The following DLEU7 variants were observed in gnomAD, a reference collection of about 807,000 sequenced individuals.
DLEU7 encodes deleted in lymphocytic leukemia 7, also known as leukemia-associated protein 7.
Under a neutral mutation model 16.0 loss-of-function variants are expected in DLEU7, and 17 were observed. The ratio of observed to expected loss-of-function variants is 1.06; its 90% CI spans 0.73 to 1.59. The LOEUF (loss-of-function observed/expected upper bound fraction) is 1.59. Ranked by LOEUF, DLEU7 falls within the 40% of genes most tolerant of loss-of-function variation. The pLI is 0.00. For missense variants in DLEU7, 308 were observed against 314.9 expected (o/e 0.98, Z 0.17); for synonymous variants, 113 against 139.8 (o/e 0.81, Z 1.35).
chr13:50,812,486 A>T (rs1359523785), intron 1 of DLEU7, among the ~76,000 whole-genome samples: 2 of 152,146 alleles, frequency 1.3e-5, no homozygotes, highest in Non-Finnish European at 2.9e-5. Context: ...GTCTGTATGT[A>T]GGGTAAAGGC....
chr13:50,803,870 A>C (rs375931156), intron 1 of DLEU7, among the ~76,000 whole-genome samples: 2 of 152,086 alleles, frequency 1.3e-5, no homozygotes, highest in South Asian at 2.1e-4. Context: ...CAGATTCATC[A>C]GTTTTTTGTT....
At chr13:50,713,069 A>G (rs1873341876) in exon 2 of DLEU7, 1 of 807,128 alleles carries the variant, frequency 1.2e-6, no homozygotes, top group Admixed American at 2.4e-5. Flanking sequence ...ATGCAATTGG[A>G]GACCAATACG....
At chr13:50,825,377 T>TATGTGTCACCTTAATACTC (rs1270595228) in intron 1 of DLEU7, among the ~76,000 whole-genome samples, 2 of 152,212 alleles carry the variant, frequency 1.3e-5, no homozygotes, top group Non-Finnish European at 2.9e-5. Context: ...TTCTAATACT[T>TATGTGTCACCTTAATACTC]ATGTGTCACC....
chr13:50,728,847 C>G (rs1873836850), intron 1 of DLEU7, among the ~76,000 whole-genome samples: 1 of 152,090 alleles, frequency 6.6e-6, no homozygotes, highest in Admixed American at 6.6e-5. Flanking sequence ...ATCATGTCAC[C>G]TGTTCATATG....
At chr13:50,732,824 G>A (rs1408402197) in intron 1 of DLEU7, among the ~76,000 whole-genome samples, 1 of 152,054 alleles carries the variant, frequency 6.6e-6, no homozygotes, top group Non-Finnish European at 1.5e-5. Flanking sequence ...GCCAAACACT[G>A]TTGAAACACA....
At chr13:50,769,279 C>T (rs905391106) in intron 1 of DLEU7, among the ~76,000 whole-genome samples, 2 of 152,276 alleles carry the variant, frequency 1.3e-5, no homozygotes, top group East Asian at 1.9e-4. Context: ...TGTGCAGAAG[C>T]TCTTTAGTTT....
chr13:50,753,184 C>G (rs889736496), intron 1 of DLEU7, among the ~76,000 whole-genome samples: 3 of 152,196 alleles, frequency 2.0e-5, no homozygotes, highest in Non-Finnish European at 4.4e-5. Context: ...ATTTACAATC[C>G]CTTAGCTAGA....
intron 1 of DLEU7, among the ~76,000 whole-genome samples, chr13:50,769,211 C>T (rs915498807): frequency 6.6e-6 from 1 of 152,130 alleles, no homozygotes; most frequent in African/African-American, 2.4e-5. Context: ...GGGTAGATTG[C>T]AAAAATTTTC....
At chr13:50,805,590 C>A (rs952913874) in intron 1 of DLEU7, among the ~76,000 whole-genome samples, 5 of 151,928 alleles carry the variant, frequency 3.3e-5, no homozygotes, top group Non-Finnish European at 7.4e-5. Flanking sequence ...TTTTAAATAT[C>A]TTTTTTATTT....
intron 1 of DLEU7, among the ~76,000 whole-genome samples, chr13:50,783,897 T>A (rs1875727440): frequency 6.6e-6 from 1 of 152,096 alleles, no homozygotes; most frequent in Non-Finnish European, 1.5e-5. Flanking sequence ...CATATAGAGA[T>A]ATGGCCAGGC....
intron 1 of DLEU7, among the ~76,000 whole-genome samples, chr13:50,749,348 T>C (rs1292457784): frequency 6.6e-6 from 1 of 152,146 alleles, no homozygotes; most frequent in African/African-American, 2.4e-5. Context: ...TGATGGGCAT[T>C]TGGGTTCTTT....
chr13:50,789,040 G>A (rs577852019), intron 1 of DLEU7, among the ~76,000 whole-genome samples: 11 of 152,120 alleles, frequency 7.2e-5, no homozygotes, highest in Admixed American at 5.2e-4. Flanking sequence ...ACATACATCT[G>A]GAGCATCGTC....
At chr13:50,778,574 C>A (rs1446716019) in intron 1 of DLEU7, among the ~76,000 whole-genome samples, 1 of 152,226 alleles carries the variant, frequency 6.6e-6, no homozygotes, top group Non-Finnish European at 1.5e-5. Flanking sequence ...TAGCTGTTGG[C>A]TGTTGTCTTT....
chr13:50,724,470 T>C (rs1171122013), intron 1 of DLEU7, among the ~76,000 whole-genome samples: 1 of 152,046 alleles, frequency 6.6e-6, no homozygotes, highest in Non-Finnish European at 1.5e-5. Context: ...AAGCACACAA[T>C]ATCACAGCTC....
intron 1 of DLEU7, among the ~76,000 whole-genome samples, chr13:50,806,392 A>G (rs1309409278): frequency 1.3e-5 from 2 of 152,156 alleles, no homozygotes; most frequent in Admixed American, 1.3e-4. Flanking sequence ...TATCCTGAAT[A>G]TATAGAGATT....
rs1877726307 is a variant in DLEU7, at chr13:50,843,141, G to A, written c.459+47C>T. The A allele has an allele frequency of 6.5e-7, 1 of 1,536,972 alleles. No homozygotes were observed. Among genetic ancestry groups the A allele is most frequent in the East Asian group, 2.6e-5 (1 of 39,114 alleles). ...CCCAGCAGCCCCACCCTTGGAGGAT[G>A]GGAGGTTACCCTGCACGCCAGAGGG... On this transcript the variant is annotated intron_variant, in intron 1 of 1. Transcript: ENST00000504404. This position sits in a 1 kb window ranked among gnomAD's most constrained non-coding sequence, Gnocchi z 5.7.
intron 1 of DLEU7, among the ~76,000 whole-genome samples, chr13:50,801,000 G>A (rs1876230636): frequency 6.6e-6 from 1 of 152,080 alleles, no homozygotes; most frequent in Non-Finnish European, 1.5e-5. Flanking sequence ...CCAGCAGTGG[G>A]GCTGACTCTC....
At chr13:50,764,188 A>G (rs1197682201) in intron 1 of DLEU7, among the ~76,000 whole-genome samples, 3 of 152,212 alleles carry the variant, frequency 2.0e-5, no homozygotes, top group African/African-American at 7.2e-5. Flanking sequence ...CTATAATATA[A>G]GAATTCCTCC....
At position 50,843,435 on chromosome 13, in the gene DLEU7, C is replaced by A. The variant is rs982321183; in HGVS notation, c.212G>T (p.Gly71Val). Residue 71 changes from glycine to valine, a missense_variant, in exon 1 of 2, where the codon GGC becomes GTC. Coordinates refer to ENST00000504404, the MANE Select transcript of DLEU7 (RefSeq NM_001306135.2). The surrounding 1 kb of genome is among the most constrained non-coding windows in gnomAD (Gnocchi z 5.7). The stretch of plus-strand genomic sequence containing the variant: ...GGTCCGCCGACTCCTGGTCCCCACG[C>A]CCCCGCCCCGCTCCTCGCGCCCGGG... ...PGPGREERGG[G>V]VGTRSRRTAA... The A allele has an allele frequency of 1.5e-6, 2 of 1,327,674 alleles. No individual in the cohort carries two copies. Among genetic ancestry groups the A allele is most frequent in the Middle Eastern group, 2.7e-4 (1 of 3,670 alleles). 82.2% of individuals were successfully genotyped at this position (1,327,674 alleles called of 1,614,324 possible).
Sources: gnomAD v4.1 joint callset for allele counts (sites outside exome capture counted in the v4.1 genomes callset) on GRCh38, gnomAD v4.1.1 for gene constraint, Gnocchi (gnomAD v3.1) non-coding constraint, MANE v1.5 for transcripts, NCBI Gene and HGNC (gene_info 2026-07-23, HGNC 2026-07-21) for gene names.